MAF: variants seen among roughly 807,000 people sequenced by gnomAD.
MAF encodes MAF bZIP transcription factor.
MAF carries 10 observed loss-of-function variants against 22.0 expected under a neutral mutation model. The ratio of observed to expected loss-of-function variants is 0.45; its 90% CI spans 0.28 to 0.77. The LOEUF (loss-of-function observed/expected upper bound fraction) is 0.77. Ranked by LOEUF, MAF falls within the 30% of genes least tolerant of loss-of-function variation. The pLI, the probability that MAF is intolerant of heterozygous loss-of-function variation, is 0.12. For synonymous variants in MAF, 337 were observed against 255.8 expected (o/e 1.32, Z -3.03); for missense variants, 544 against 548.4 (o/e 0.99, Z 0.08).
chr16:79,388,702 A>G, the MAF span, among the ~76,000 whole-genome samples: 3 of 152,248 alleles, frequency 2.0e-5, no homozygotes, highest in Non-Finnish European at 4.4e-5. Flanking sequence ...ACAGGACACA[A>G]AAATATACAG....
chr16:79,495,673 C>G, the MAF span, among the ~76,000 whole-genome samples: 126 of 152,232 alleles, frequency 8.3e-4, 1 homozygote, highest in African/African-American at 3.0e-3. Flanking sequence ...AACTTTTCTC[C>G]TAGTTTTTAT....
the MAF span, among the ~76,000 whole-genome samples, chr16:79,475,003 G>A: frequency 1.3e-5 from 2 of 152,212 alleles, no homozygotes; most frequent in Non-Finnish European, 2.9e-5. Context: ...GGTAGCAGAA[G>A]ATGTTCATTC....
the MAF span, among the ~76,000 whole-genome samples, chr16:79,393,063 T>A: frequency 5.3e-5 from 8 of 152,192 alleles, no homozygotes; most frequent in Admixed American, 5.2e-4. Context: ...GCCCCAGGGG[T>A]AAAACATTCC....
At chr16:79,215,858 A>T in the MAF span, among the ~76,000 whole-genome samples, 1 of 152,130 alleles carries the variant, frequency 6.6e-6, no homozygotes, top group Admixed American at 6.5e-5. Context: ...ACTTTATCAG[A>T]AGTTATCTAC....
the MAF span, among the ~76,000 whole-genome samples, chr16:79,362,926 T>G: frequency 6.6e-6 from 1 of 152,212 alleles, no homozygotes; most frequent in Admixed American, 6.5e-5. Context: ...TTTTTTATGA[T>G]TCCCTGCATT....
At chr16:79,562,772 A>G in the MAF span, among the ~76,000 whole-genome samples, 1 of 152,184 alleles carries the variant, frequency 6.6e-6, no homozygotes, top group Admixed American at 6.5e-5. Flanking sequence ...ACTCCTAGGA[A>G]AACAAGTGGA....
the MAF span, among the ~76,000 whole-genome samples, chr16:79,348,055 C>T: frequency 3.9e-5 from 6 of 152,244 alleles, no homozygotes; most frequent in African/African-American, 1.2e-4. Flanking sequence ...CCCTACTCAG[C>T]GTCAACATTA....
chr16:79,256,381 C>T, the MAF span, among the ~76,000 whole-genome samples: 11 of 152,056 alleles, frequency 7.2e-5, no homozygotes, highest in Non-Finnish European at 1.3e-4. Flanking sequence ...ATCCATTTTA[C>T]CCCCTATATT....
chr16:79,353,289 T>A, the MAF span, among the ~76,000 whole-genome samples: 1 of 152,030 alleles, frequency 6.6e-6, no homozygotes, highest in Non-Finnish European at 1.5e-5. Flanking sequence ...CAACCACACC[T>A]AGCTAATTTT....
At chr16:79,228,059 A>ACACG in the MAF span, among the ~76,000 whole-genome samples, 1 of 151,962 alleles carries the variant, frequency 6.6e-6, no homozygotes, top group Admixed American at 6.6e-5. Flanking sequence ...ACGCACCACC[A>ACACG]CACGCAGCTA....
chr16:79,549,516 C>T, the MAF span, among the ~76,000 whole-genome samples: 1 of 152,206 alleles, frequency 6.6e-6, no homozygotes, highest in African/African-American at 2.4e-5. Context: ...TGTGTGGTTT[C>T]AGCAAGAGAC....
At chr16:79,370,569 G>C in the MAF span, among the ~76,000 whole-genome samples, 1 of 152,206 alleles carries the variant, frequency 6.6e-6, no homozygotes, top group Non-Finnish European at 1.5e-5. Flanking sequence ...CAGTGTGTTT[G>C]CAGAGGCAGA....
At chr16:79,409,419 T>C in the MAF span, among the ~76,000 whole-genome samples, 1 of 152,228 alleles carries the variant, frequency 6.6e-6, no homozygotes. Flanking sequence ...GAGACATCTG[T>C]GTTTCTGAGC....
At chr16:79,560,041 A>T in the MAF span, among the ~76,000 whole-genome samples, 1 of 152,200 alleles carries the variant, frequency 6.6e-6, no homozygotes, top group Admixed American at 6.5e-5. Context: ...AGTAGCTGGG[A>T]CTACAGGCAT....
At chr16:79,424,436 G>A in the MAF span, among the ~76,000 whole-genome samples, 6 of 152,066 alleles carry the variant, frequency 3.9e-5, no homozygotes, top group Admixed American at 6.6e-5. Context: ...TGGCTTCTGC[G>A]GGCCTGGGCA....
chr16:79,359,301 T>C, the MAF span, among the ~76,000 whole-genome samples: 1 of 152,336 alleles, frequency 6.6e-6, no homozygotes, highest in South Asian at 2.1e-4. Flanking sequence ...GTGATGGTGA[T>C]GTCAGTTCCA....
the MAF span, among the ~76,000 whole-genome samples, chr16:79,336,740 A>G: frequency 6.6e-6 from 1 of 152,200 alleles, no homozygotes; most frequent in African/African-American, 2.4e-5. Flanking sequence ...ACTTGGGCAC[A>G]TGAGTCATGC....
the MAF span, among the ~76,000 whole-genome samples, chr16:79,519,503 C>T: frequency 6.6e-5 from 10 of 152,280 alleles, no homozygotes; most frequent in East Asian, 3.9e-4. Context: ...CCTTCAAGCA[C>T]GAAGCAGCAT....
At chr16:79,512,662 T>C in the MAF span, among the ~76,000 whole-genome samples, 3 of 152,180 alleles carry the variant, frequency 2.0e-5, no homozygotes, top group East Asian at 3.9e-4. Context: ...AACTGTTTAA[T>C]AGCTCCCAGA....
Sources: allele counts gnomAD v4.1 joint callset (sites outside exome capture counted in the v4.1 genomes callset), GRCh38; gene constraint gnomAD v4.1.1; transcripts MANE v1.5; gene names NCBI Gene and HGNC (gene_info 2026-07-23, HGNC 2026-07-21).